PPP2R5A: variants seen among roughly 807,000 people sequenced by gnomAD.
PPP2R5A encodes the protein serine/threonine-protein phosphatase 2A 56 kDa regulatory subunit alpha isoform.
PPP2R5A carries 25 observed loss-of-function variants against 64.2 expected under a neutral mutation model. The observed-to-expected ratio is 0.39, with a 90% CI of 0.28 to 0.54. The LOEUF (loss-of-function observed/expected upper bound fraction) is 0.54. Ranked by LOEUF, PPP2R5A falls within the 20% of genes least tolerant of loss-of-function variation. The probability of loss-of-function intolerance (pLI) is 0.67; values close to 1 mark genes in which losing one functional copy is unlikely to be tolerated. For synonymous variants in PPP2R5A, 198 were observed against 201.2 expected, an observed-to-expected ratio of 0.98 and a Z score of 0.13; for missense variants, 425 against 576.3, an observed-to-expected ratio of 0.74 and a Z score of 2.69.
intron 1 of PPP2R5A, among the ~76,000 whole-genome samples, chr1:212,307,188 T>C (rs1658931865): frequency 6.6e-6 from 1 of 152,200 alleles, no homozygotes; most frequent in African/African-American, 2.4e-5. Flanking sequence ...TTTTCTTTAG[T>C]ATTAAGTGAA....
At chr1:212,311,495 C>A (rs1287292821) in intron 1 of PPP2R5A, among the ~76,000 whole-genome samples, 2 of 151,668 alleles carry the variant, frequency 1.3e-5, no homozygotes, top group African/African-American at 4.8e-5. Flanking sequence ...ATAGCATATA[C>A]AATTATGTAC....
At chr1:212,319,201 TGTA>T (rs1659214523) in intron 1 of PPP2R5A, among the ~76,000 whole-genome samples, 1 of 152,254 alleles carries the variant, frequency 6.6e-6, no homozygotes, top group African/African-American at 2.4e-5. Context: ...ACTACTGTGT[TGTA>T]GTACTCAGGG....
chr1:212,322,361 C>G (rs1053651387), intron 1 of PPP2R5A, among the ~76,000 whole-genome samples: 11 of 151,860 alleles, frequency 7.2e-5, no homozygotes, highest in African/African-American at 2.7e-4. Context: ...TTTTTTCAAC[C>G]TATTTATATT....
chr1:212,316,587 C>CTTTTTTTTTTTTTTTTTTTTT (rs751228809), intron 1 of PPP2R5A, among the ~76,000 whole-genome samples: 7 of 36,688 alleles, frequency 1.9e-4, no homozygotes, highest in East Asian at 1.3e-3. Flanking sequence ...TTGTGGGTGA[C>CTTTTTTTTTTTTTTTTTTTTT]TTTTTTTTTT....
intron 1 of PPP2R5A, among the ~76,000 whole-genome samples, chr1:212,325,495 A>G (rs1251022570): frequency 6.6e-6 from 1 of 152,200 alleles, no homozygotes; most frequent in East Asian, 1.9e-4. Context: ...GACTGGCGGT[A>G]TAAGGTGATC....
intron 1 of PPP2R5A, chr1:212,308,996 C>G: frequency 1.5e-6 from 1 of 669,154 alleles, no homozygotes; most frequent in Non-Finnish European, 2.6e-6. Context: ...TACCTTTCTT[C>G]TTTTTTTATG....
At chr1:212,328,444 C>T (rs559577054) in intron 1 of PPP2R5A, among the ~76,000 whole-genome samples, 3 of 152,128 alleles carry the variant, frequency 2.0e-5, no homozygotes, top group Non-Finnish European at 4.4e-5. Flanking sequence ...CTTCAGGGAA[C>T]TACAGAGAGT....
Position 212,285,808 on chromosome 1 carries a change from A to C in PPP2R5A, c.-303A>C. On this transcript the variant is annotated 5_prime_UTR_variant, in exon 1 of 13. Transcript: ENST00000261461. The stretch of plus-strand genomic sequence containing the variant: ...TTGTCTAAACTTCGGGCTCTCTTCC[A>C]CCCGCTCTGCGCGCCCAGAGTCAAC... 1 of 292,472 alleles carries C rather than the reference A, an allele frequency of 3.4e-6. No homozygotes were observed. The highest frequency in any genetic ancestry group is 6.3e-6 in the Non-Finnish European group (1 of 158,896). 18.1% of individuals were successfully genotyped at this position (292,472 alleles called of 1,614,324 possible).
chr1:212,328,300 G>A lies in PPP2R5A; in HGVS notation c.182-835G>A, dbSNP rs117378973. ...ACTGTACTCCAGCCCAGGCGACAGA[G>A]CAAGAGTTTGTCTCAAAAAAATAAA... is the stretch of plus-strand genomic sequence containing the variant. On this transcript the variant is annotated intron_variant, in intron 1 of 12. Coordinates refer to ENST00000261461, the MANE Select transcript of PPP2R5A (RefSeq NM_006243.4). 1.6e-4 allele frequency among the ~76,000 whole-genome samples: 24 copies of A among 152,278 alleles called. No homozygotes were observed. In the East Asian group the frequency reaches 4.2e-3, roughly 27 times the overall value.
intron 4 of PPP2R5A, 94 bp downstream of exon 4, chr1:212,342,374 ATGGTTT>A (rs1659700542): frequency 6.9e-7 from 1 of 1,443,498 alleles, no homozygotes; most frequent in African/African-American, 1.4e-5. Context: ...CAAAACTTTA[ATGGTTT>A]AATTTGACAG....
intron 12 of PPP2R5A, among the ~76,000 whole-genome samples, chr1:212,359,492 A>G (rs569065317): frequency 1.3e-5 from 2 of 152,320 alleles, no homozygotes; most frequent in East Asian, 3.9e-4. Flanking sequence ...ATAAATTACT[A>G]TAAAATAATC....
At chr1:212,346,912 C>G (rs1041772585) in intron 5 of PPP2R5A, among the ~76,000 whole-genome samples, 3 of 152,160 alleles carry the variant, frequency 2.0e-5, no homozygotes, top group African/African-American at 7.2e-5. Context: ...AAAGGCAGCC[C>G]TAATCTTGGA....
At chr1:212,356,768 G>T in intron 9 of PPP2R5A, 92 bp downstream of exon 9, 1 of 1,419,358 alleles carries the variant, frequency 7.0e-7, no homozygotes, top group Non-Finnish European at 9.7e-7. Context: ...CTGTATTGCT[G>T]TTGCTAAAGA....
rs77010081 is a variant in PPP2R5A, at chr1:212,358,935, T to C, written c.1328+148T>C. On this transcript the variant is annotated intron_variant, in intron 12 of 12. Coordinates refer to ENST00000261461, the MANE Select transcript of PPP2R5A (RefSeq NM_006243.4). The stretch of plus-strand genomic sequence containing the variant: ...GTAAACATTACAATGTGAAAGTCTC[T>C]TAACATATAAGTCATTTCCAGATAA... 4,053 of 536,448 alleles carry C rather than the reference T, an allele frequency of 7.6e-3. 37 individuals are homozygous for C. The highest frequency in any genetic ancestry group is 0.011 in the Admixed American group (273 of 25,692). 33.2% of individuals were successfully genotyped at this position (536,448 alleles called of 1,614,324 possible).
intron 12 of PPP2R5A, 79 bp downstream of exon 12, chr1:212,358,866 C>T: frequency 8.9e-7 from 1 of 1,129,686 alleles, no homozygotes. Flanking sequence ...AAGGTATCTT[C>T]TCTCAGTTCA....
chr1:212,296,553 T>C (rs1658693818), intron 1 of PPP2R5A, among the ~76,000 whole-genome samples: 1 of 152,214 alleles, frequency 6.6e-6, no homozygotes, highest in South Asian at 2.1e-4. Flanking sequence ...ACATCTTCTG[T>C]GTACACTGCA....
In PPP2R5A at chr1:212,356,618, T is replaced by TGTACAG; in HGVS notation, c.928-8_928-7insGTACAG. Reference sequence around the variant, plus strand: ...TTAAATTCATGCTAAACTTTTTCTTTTTCGCAGGTGATCAGAGGACTGCTG... The same window carrying TGTACAG: ...TTAAATTCATGCTAAACTTTTTCTTTGTACAGTTCGCAGGTGATCAGAGGACTGCTG... On this transcript the variant is annotated splice_polypyrimidine_tract_variant and splice_region_variant and intron_variant, in intron 8 of 12. Coordinates refer to ENST00000261461, the MANE Select transcript of PPP2R5A (RefSeq NM_006243.4). The TGTACAG allele has an allele frequency of 6.2e-7, 1 of 1,607,888 alleles. No individual in the cohort carries two copies. Among genetic ancestry groups the TGTACAG allele is most frequent in the Non-Finnish European group, 8.5e-7 (1 of 1,177,982 alleles).
At chr1:212,342,056 T>C (rs1659694634) in intron 3 of PPP2R5A, 132 bp from the exon 4 acceptor site, 1 of 1,332,524 alleles carries the variant, frequency 7.5e-7, no homozygotes, top group Non-Finnish European at 9.9e-7. Context: ...TATCAACTCA[T>C]TACATTTTAT....
chr1:212,354,011 C>G (rs1015061265), intron 8 of PPP2R5A, among the ~76,000 whole-genome samples: 1 of 151,898 alleles, frequency 6.6e-6, no homozygotes, highest in Non-Finnish European at 1.5e-5. Flanking sequence ...AGTGAAACCC[C>G]GTCTCTACTA....
Sources: allele counts gnomAD v4.1 joint callset (sites outside exome capture counted in the v4.1 genomes callset), GRCh38; gene constraint gnomAD v4.1.1; transcripts MANE v1.5; gene names NCBI Gene and HGNC (gene_info 2026-07-23, HGNC 2026-07-21).